The following CHCHD6 variants were observed in gnomAD, a reference collection of about 807,000 sequenced individuals.
The protein encoded by CHCHD6 is coiled-coil-helix-coiled-coil-helix domain containing 6.
Under a neutral mutation model 32.3 loss-of-function variants are expected in CHCHD6, and 28 were observed. The ratio of observed to expected loss-of-function variants is 0.87; its 90% CI spans 0.64 to 1.19. The LOEUF (loss-of-function observed/expected upper bound fraction) is 1.19, where lower values mean the gene tolerates loss of function less well. Ranked by LOEUF, CHCHD6 falls within the 50% of genes most tolerant of loss-of-function variation. The pLI is 0.00. For synonymous variants in CHCHD6, 122 were observed against 117.5 expected (o/e 1.04, Z -0.25); for missense variants, 333 against 307.0 (o/e 1.08, Z -0.63).
chr3:126,876,350 G>GT (rs2077538942), intron 5 of CHCHD6, among the ~76,000 whole-genome samples: 1 of 152,216 alleles, frequency 6.6e-6, no homozygotes, highest in Non-Finnish European at 1.5e-5. Context: ...TGCAAAGCTT[G>GT]TTTGAGTCTG....
At chr3:126,730,677 A>G (rs750660150) in intron 3 of CHCHD6, 47 bp downstream of exon 3, 2 of 1,535,598 alleles carry the variant, frequency 1.3e-6, no homozygotes, top group Admixed American at 1.7e-5. Flanking sequence ...TCCGCCTAAA[A>G]GCCTCTTTCC....
intron 6 of CHCHD6, among the ~76,000 whole-genome samples, chr3:126,924,749 A>G (rs1013071167): frequency 6.6e-6 from 1 of 152,230 alleles, no homozygotes; most frequent in Non-Finnish European, 1.5e-5. Context: ...GTTTGCGGAC[A>G]TGTGAACACC....
At chr3:126,811,367 C>A (rs758068130) in intron 4 of CHCHD6, among the ~76,000 whole-genome samples, 1 of 152,156 alleles carries the variant, frequency 6.6e-6, no homozygotes, top group Non-Finnish European at 1.5e-5. Flanking sequence ...ACTGTTAATA[C>A]ATTTTCTTAT....
At chr3:126,916,042 T>G (rs999441662) in intron 6 of CHCHD6, among the ~76,000 whole-genome samples, 4 of 151,616 alleles carry the variant, frequency 2.6e-5, no homozygotes, top group Non-Finnish European at 5.9e-5. Flanking sequence ...CACCTAAAGC[T>G]GATGGGGATA....
At chr3:126,935,221 G>A (rs532318300) in intron 6 of CHCHD6, 42 of 877,706 alleles carry the variant, frequency 4.8e-5, no homozygotes, top group Admixed American at 6.2e-5. Flanking sequence ...CTGGCATGAG[G>A]CAGAGGGCTC....
At chr3:126,957,966 G>A in intron 7 of CHCHD6, 1 of 319,266 alleles carries the variant, frequency 3.1e-6, no homozygotes, top group South Asian at 3.0e-5. Flanking sequence ...GAAGAGGAGT[G>A]GGAGCAGATG....
rs193285072 is a variant in CHCHD6 at position 126,791,857 on chromosome 3, T to C, written c.411+58635T>C. Among the ~76,000 whole-genome samples the C allele has an allele frequency of 6.1e-3, 931 of 152,348 alleles. 9 individuals are homozygous for C. The highest frequency in any genetic ancestry group is 0.021 in the African/African-American group (890 of 41,588). On this transcript the variant is annotated intron_variant, in intron 4 of 7. Transcript: ENST00000290913. ...AACTCCTGACCTCAGGCGATCCACCTGCCTTGGCCTCCCAAAGTGCTGGGA... is the reference window on the plus strand; with the variant it reads ...AACTCCTGACCTCAGGCGATCCACCCGCCTTGGCCTCCCAAAGTGCTGGGA...
intron 4 of CHCHD6, among the ~76,000 whole-genome samples, chr3:126,749,988 C>T (rs554858252): frequency 1.6e-4 from 25 of 152,330 alleles, no homozygotes; most frequent in African/African-American, 5.1e-4. Flanking sequence ...CTTGGCCCGA[C>T]GTCTGTTCAG....
At chr3:126,834,411 A>G (rs1339628218) in intron 4 of CHCHD6, among the ~76,000 whole-genome samples, 2 of 152,342 alleles carry the variant, frequency 1.3e-5, no homozygotes, top group Middle Eastern at 3.4e-3. Flanking sequence ...GATTATAGCC[A>G]TAGAAACCAG....
chr3:126,876,652 T>G (rs1358613589), intron 5 of CHCHD6, among the ~76,000 whole-genome samples: 2 of 152,228 alleles, frequency 1.3e-5, no homozygotes, highest in African/African-American at 4.8e-5. Context: ...TGACCACTTT[T>G]CCCCTGGTGG....
At chr3:126,901,750 G>A (rs1165391135) in intron 5 of CHCHD6, among the ~76,000 whole-genome samples, 2 of 152,230 alleles carry the variant, frequency 1.3e-5, no homozygotes, top group African/African-American at 4.8e-5. Flanking sequence ...GCCATGTGAG[G>A]AAGGGTGGTG....
intron 5 of CHCHD6, among the ~76,000 whole-genome samples, chr3:126,859,030 A>G (rs1383662505): frequency 6.6e-6 from 1 of 152,240 alleles, no homozygotes. Flanking sequence ...TCTGCTCTGC[A>G]TCTGTGAGCA....
chr3:126,734,045 TAGA>T (rs1273185903), intron 4 of CHCHD6, among the ~76,000 whole-genome samples: 1 of 152,162 alleles, frequency 6.6e-6, no homozygotes, highest in Non-Finnish European at 1.5e-5. Context: ...AAACCCTCAG[TAGA>T]AGAAGAGAGG....
At chr3:126,793,640 G>A (rs1245404829) in intron 4 of CHCHD6, among the ~76,000 whole-genome samples, 2 of 152,126 alleles carry the variant, frequency 1.3e-5, no homozygotes, top group Non-Finnish European at 2.9e-5. Context: ...AGGCATTGTT[G>A]TATTTACACT....
At chr3:126,717,692 T>G (rs1426217972) in intron 1 of CHCHD6, among the ~76,000 whole-genome samples, 1 of 152,196 alleles carries the variant, frequency 6.6e-6, no homozygotes. Flanking sequence ...TTGGTTAGGG[T>G]CAGATTTTGG....
At chr3:126,862,490 C>T (rs1299661487) in intron 5 of CHCHD6, among the ~76,000 whole-genome samples, 2 of 133,832 alleles carry the variant, frequency 1.5e-5, no homozygotes, top group African/African-American at 5.6e-5. Flanking sequence ...TCTTCCTCCA[C>T]CATCACCACC....
intron 5 of CHCHD6, among the ~76,000 whole-genome samples, chr3:126,905,111 C>T (rs573167132): frequency 9.2e-5 from 14 of 152,268 alleles, no homozygotes; most frequent in South Asian, 8.3e-4. Context: ...CAAGAAACAG[C>T]GCCTTCATTC....
chr3:126,741,942 C>G (rs1404688262), intron 4 of CHCHD6, among the ~76,000 whole-genome samples: 1 of 152,188 alleles, frequency 6.6e-6, no homozygotes, highest in Non-Finnish European at 1.5e-5. Flanking sequence ...GTCTCCCTCT[C>G]CCTGATGCAG....
intron 4 of CHCHD6, among the ~76,000 whole-genome samples, chr3:126,743,440 T>C (rs758665544): frequency 4.6e-5 from 7 of 152,214 alleles, no homozygotes; most frequent in Non-Finnish European, 8.8e-5. Context: ...CTGGACATCC[T>C]CATTAGCTGC....
Sources: allele counts gnomAD v4.1 joint callset (sites outside exome capture counted in the v4.1 genomes callset), GRCh38; gene constraint gnomAD v4.1.1; transcripts MANE v1.5; gene names NCBI Gene and HGNC (gene_info 2026-07-23, HGNC 2026-07-21).